The following SOD2 variants were observed in gnomAD, a reference collection of about 807,000 sequenced individuals.
SOD2 encodes superoxide dismutase [Mn], mitochondrial.
In SOD2, 11 loss-of-function variants were observed where a neutral mutation model predicts 27.0. The observed-to-expected ratio is 0.41, with a 90% CI of 0.26 to 0.67. SOD2 has a LOEUF of 0.67. SOD2 is among the 30% of genes least tolerant of loss of function. The probability of loss-of-function intolerance (pLI) is 0.34; values close to 1 mark genes in which losing one functional copy is unlikely to be tolerated. For synonymous variants in SOD2, 105 were observed against 103.0 expected (o/e 1.02, Z -0.12); for missense variants, 250 against 274.5 (o/e 0.91, Z 0.63).
chr6:159,755,786 T>TTTTTTTTTTTTTTTTTTC, intron 1 of SOD2: 1 of 1,012,990 alleles, frequency 9.9e-7, no homozygotes, highest in Non-Finnish European at 1.3e-6. Flanking sequence ...TTTTTTTTTT[T>TTTTTTTTTTTTTTTTTTC]TTTTGCTTCA....
rs1377293731 is a variant in SOD2, at chr6:159,670,934, G to C, written c.*11559C>G. 6 of 152,326 alleles carry C rather than the reference G, an allele frequency of 3.9e-5. No individual in the cohort carries two copies. Among genetic ancestry groups the C allele is most frequent in the Non-Finnish European group, 5.9e-5 (4 of 68,130 alleles). The allele number at this position is 152,326 out of a possible 1,614,324, so 9.4% of individuals were successfully genotyped here. A position where few individuals can be genotyped will look rare whatever the true frequency, so the allele number is the denominator to read the frequency against. ...ATGGTCTTAGCAAACGGCACACCAG[G>C]AGATTATATCCTGTGCCTAGCTCGG... On this transcript the variant is annotated 3_prime_UTR_variant, in exon 5 of 5. Coordinates refer to ENST00000538183, the MANE Select transcript of SOD2 (RefSeq NM_000636.4).
At chr6:159,737,650 C>G (rs1264687108) in intron 1 of SOD2, among the ~76,000 whole-genome samples, 19 of 151,912 alleles carry the variant, frequency 1.3e-4, no homozygotes, top group African/African-American at 4.4e-4. Flanking sequence ...GCCACTACGC[C>G]TGGCTAATTT....
At chr6:159,694,310 C>T (rs966783501), upstream of SOD2, among the ~76,000 whole-genome samples, 1 of 152,162 alleles carries the variant, frequency 6.6e-6, no homozygotes, top group South Asian at 2.1e-4. Flanking sequence ...CTGCCATTGG[C>T]GGGAGTTGCC....
chr6:159,713,955 C>T (rs1777877955), intron 1 of SOD2: 5 of 841,182 alleles, frequency 5.9e-6, no homozygotes, highest in Admixed American at 2.5e-5. Flanking sequence ...ACCTTCACCA[C>T]GAACCCCTCC....
intron 1 of SOD2, among the ~76,000 whole-genome samples, chr6:159,710,270 C>CATATATATAT (rs141490345): frequency 0.015 from 2,117 of 143,438 alleles, 23 homozygotes; most frequent in Non-Finnish European, 0.021. Context: ...AGTATAAATA[C>CATATATATAT]ATATATATAT....
chr6:159,712,118 GACCTCCATAACC>G (rs1295589913), intron 1 of SOD2, among the ~76,000 whole-genome samples: 1 of 32,816 alleles, frequency 3.0e-5, no homozygotes, highest in Admixed American at 5.1e-4. Flanking sequence ...CAGCTGCTCA[GACCTCCATAACC>G]ACCTCCATAA....
In SOD2 at chr6:159,761,941, GGATGCGCGGGGAGGT is replaced by G. The variant is rs1274592122; in HGVS notation, c.-1255_-1241del. On this transcript the variant is annotated 5_prime_UTR_variant, in exon 1 of 8. Coordinates refer to the SOD2 transcript ENST00000546087. ...TCCGGCCTTGCGCCTGCGCACAGTG[GGATGCGCGGGGAGGT>G]GGTGCGCGGGGAGGTGGAGGGCGAG... The G allele has an allele frequency of 2.6e-5, 25 of 953,670 alleles. No homozygotes were observed. The East Asian group carries it at 3.9e-4, about 15-fold the overall frequency. The allele number at this position is 953,670 out of a possible 1,614,324, so 59.1% of individuals were successfully genotyped here. A position where few individuals can be genotyped will look rare whatever the true frequency, so the allele number is the denominator to read the frequency against.
rs914025923 is a variant in SOD2 at position 159,674,893 on chromosome 6, G to A, written c.*7600C>T. The A allele has an allele frequency of 2.3e-4, 35 of 152,320 alleles. No individual in the cohort carries two copies. Among genetic ancestry groups the A allele is most frequent in the African/African-American group, 7.7e-4 (32 of 41,566 alleles). 9.4% of individuals were successfully genotyped at this position (152,320 alleles called of 1,614,324 possible). ...CTCCTTAATTTGATAAGCAACTTCAGCAAAATCTCAGGATACAAAATCAAT... is the reference window on the plus strand; with the variant it reads ...CTCCTTAATTTGATAAGCAACTTCAACAAAATCTCAGGATACAAAATCAAT... On this transcript the variant is annotated 3_prime_UTR_variant, in exon 5 of 5. Coordinates refer to ENST00000538183, the MANE Select transcript of SOD2 (RefSeq NM_000636.4).
intron 1 of SOD2, among the ~76,000 whole-genome samples, chr6:159,739,824 C>CTTTTTTTTTTTTT (rs56389349): frequency 3.5e-5 from 3 of 85,158 alleles, no homozygotes; most frequent in Non-Finnish European, 6.5e-5. Context: ...CACTTTTTAC[C>CTTTTTTTTTTTTT]TTTTTTTTTT....
chr6:159,727,861 C>T (rs1410139734), upstream of SOD2, among the ~76,000 whole-genome samples: 1 of 152,024 alleles, frequency 6.6e-6, no homozygotes, highest in African/African-American at 2.4e-5. Context: ...TACCTTCCCG[C>T]CTGCGGGGAA....
intron 1 of SOD2, among the ~76,000 whole-genome samples, chr6:159,718,475 CTGAAT>C (rs1247284901): frequency 6.6e-6 from 1 of 151,964 alleles, no homozygotes; most frequent in Admixed American, 6.6e-5. Context: ...TAACAATCTA[CTGAAT>C]TATTTTTTAA....
intron 2 of SOD2, chr6:159,690,902 T>C (rs769022882): frequency 1.3e-5 from 2 of 152,170 alleles, no homozygotes; most frequent in Non-Finnish European, 2.9e-5. Context: ...CCTCAAATAA[T>C]AATAAAAGTC....
chr6:159,727,749 G>T, upstream of SOD2: 1 of 983,760 alleles, frequency 1.0e-6, no homozygotes, highest in Non-Finnish European at 1.2e-6. Flanking sequence ...GGACCTCCGG[G>T]GCCTGAGGGC....
chr6:159,688,665 A>G (rs972914236), intron 2 of SOD2, among the ~76,000 whole-genome samples: 1 of 152,086 alleles, frequency 6.6e-6, no homozygotes, highest in Non-Finnish European at 1.5e-5. Context: ...AAGAAACTCA[A>G]CATACTCAAA....
intron 1 of SOD2, among the ~76,000 whole-genome samples, chr6:159,740,892 C>T (rs1212111188): frequency 5.3e-5 from 8 of 151,760 alleles, no homozygotes; most frequent in Admixed American, 1.3e-4. Context: ...TCAGTAGAGA[C>T]GGGATTTCAC....
Position 159,710,290 on chromosome 6 carries a change from A to ATATAT in SOD2, c.-116+16838_-116+16839insATATA, listed in dbSNP as rs1562436109. ...AAATACATATATATATATATATATA[A>ATATAT]AATACAAAAATTAGCTGGGCGTGGT... On this transcript the variant is annotated intron_variant, in intron 1 of 2. Coordinates refer to the SOD2 transcript ENST00000401980. Among the ~76,000 whole-genome samples, 18 of 94,096 alleles carry ATATAT rather than the reference A, an allele frequency of 1.9e-4. 1 individual carries two copies. The highest frequency in any genetic ancestry group is 6.3e-3 in the Middle Eastern group (1 of 160). The allele number at this position is 94,096 out of a possible 152,430, so 61.7% of individuals were successfully genotyped here.
rs1164123187 is a variant in SOD2, at chr6:159,673,510, C to T, written c.*8983G>A. 3.3e-5 allele frequency: 5 copies of T among 152,002 alleles called. No homozygotes were observed. The highest frequency in any genetic ancestry group is 7.4e-5 in the Non-Finnish European group (5 of 68,010). The allele number at this position is 152,002 out of a possible 1,614,324, so 9.4% of individuals were successfully genotyped here. On this transcript the variant is annotated 3_prime_UTR_variant, in exon 5 of 5. Coordinates refer to ENST00000538183, the MANE Select transcript of SOD2 (RefSeq NM_000636.4). Reference sequence around the variant, plus strand: ...TCCTGAATGACTACTGGGTACATAACAAAATGAAGGCAGAAATAAAGATGT... The same window carrying T: ...TCCTGAATGACTACTGGGTACATAATAAAATGAAGGCAGAAATAAAGATGT...
chr6:159,707,611 T>G (rs980980486), intron 1 of SOD2, among the ~76,000 whole-genome samples: 3 of 152,124 alleles, frequency 2.0e-5, no homozygotes, highest in Admixed American at 6.5e-5. Flanking sequence ...GCTCTGAAAT[T>G]GAGGCAATAA....
At chr6:159,747,066 A>G (rs1779618589), upstream of SOD2, among the ~76,000 whole-genome samples, 1 of 152,186 alleles carries the variant, frequency 6.6e-6, no homozygotes, top group African/African-American at 2.4e-5. Context: ...TATATTCCCA[A>G]ACCACTTAGT....
Sources: gnomAD v4.1 joint callset for allele counts (sites outside exome capture counted in the v4.1 genomes callset) on GRCh38, gnomAD v4.1.1 for gene constraint, MANE v1.5 for transcripts, NCBI Gene and HGNC (gene_info 2026-07-23, HGNC 2026-07-21) for gene names.